SGCZ: variants seen among roughly 807,000 people sequenced by gnomAD.
The protein encoded by SGCZ is sarcoglycan zeta, also known as zeta-sarcoglycan.
Under a neutral mutation model 41.3 loss-of-function variants are expected in SGCZ, and 40 were observed. The observed-to-expected ratio is 0.97, with a 90% CI of 0.75 to 1.26. The LOEUF (loss-of-function observed/expected upper bound fraction) is 1.26, where lower values mean the gene tolerates loss of function less well. SGCZ is among the 50% of genes most tolerant of loss of function. The pLI is 0.00. For synonymous variants in SGCZ, 206 were observed against 137.5 expected (o/e 1.50, Z -3.49); for missense variants, 552 against 369.8 (o/e 1.49, Z -4.04).
intron 2 of SGCZ, among the ~76,000 whole-genome samples, chr8:14,486,057 A>C (rs1362561631): frequency 2.6e-5 from 4 of 152,170 alleles, no homozygotes; most frequent in Non-Finnish European, 4.4e-5. Flanking sequence ...TTTTAGATCT[A>C]CTGATACAAT....
rs1471189471 is a variant in SGCZ at position 14,085,839 on chromosome 8, A to G, written c.*4604T>C. ...AAGGATGTTTACTACCTCATGTTATAATTATAAGCCCCCCTATTCATTTGA... is the reference window on the plus strand; with the variant it reads ...AAGGATGTTTACTACCTCATGTTATGATTATAAGCCCCCCTATTCATTTGA... On this transcript the variant is annotated 3_prime_UTR_variant, in exon 8 of 8. Transcript: ENST00000382080. Among the ~76,000 whole-genome samples the G allele has an allele frequency of 6.6e-6, 1 of 151,810 alleles. No homozygotes were observed. Among genetic ancestry groups the G allele is most frequent in the African/African-American group, 2.4e-5 (1 of 41,422 alleles).
chr8:14,552,007 C>T (rs1173208304), intron 2 of SGCZ, among the ~76,000 whole-genome samples: 3 of 151,806 alleles, frequency 2.0e-5, no homozygotes, highest in Non-Finnish European at 4.4e-5. Context: ...CACAGATTTC[C>T]CTGTGTTGGA....
At position 14,619,823 on chromosome 8, in the gene SGCZ, C is replaced by A. The variant is rs544975976; in HGVS notation, c.40-64897G>T. ...AACAAATGGAAACACATTCCATGCT[C>A]ATGTACAGGAAGAATCAATATCGTG... On this transcript the variant is annotated intron_variant, in intron 1 of 7. Coordinates refer to ENST00000382080, the MANE Select transcript of SGCZ (RefSeq NM_139167.4). Among the ~76,000 whole-genome samples the A allele has an allele frequency of 1.8e-4, 28 of 152,322 alleles. No individual in the cohort carries two copies. The South Asian group carries it at 5.8e-3, about 32-fold the overall frequency.
intron 4 of SGCZ, among the ~76,000 whole-genome samples, chr8:14,203,633 G>A (rs1048611312): frequency 2.0e-5 from 3 of 152,154 alleles, no homozygotes; most frequent in African/African-American, 7.2e-5. Flanking sequence ...GAATGAAGAT[G>A]AATAGAGGTG....
At chr8:14,346,874 C>T (rs551320353) in intron 2 of SGCZ, among the ~76,000 whole-genome samples, 1 of 152,018 alleles carries the variant, frequency 6.6e-6, no homozygotes, top group Non-Finnish European at 1.5e-5. Flanking sequence ...TAGGGCGTTT[C>T]CTTTTTTTCT....
intron 1 of SGCZ, among the ~76,000 whole-genome samples, chr8:14,980,251 T>A (rs899723860): frequency 6.6e-6 from 1 of 152,080 alleles, no homozygotes; most frequent in African/African-American, 2.4e-5. Context: ...AGGACGGAAA[T>A]TGAGCCAGAT....
chr8:14,579,546 G>A (rs954779321), intron 1 of SGCZ, among the ~76,000 whole-genome samples: 4 of 152,016 alleles, frequency 2.6e-5, no homozygotes, highest in African/African-American at 9.7e-5. Flanking sequence ...TAAACTGTTG[G>A]GGAAATTTTA....
chr8:14,234,627 A>G (rs1806690942), intron 4 of SGCZ, among the ~76,000 whole-genome samples: 1 of 152,080 alleles, frequency 6.6e-6, no homozygotes. Flanking sequence ...CAAAAATAGT[A>G]TCATGACTGT....
intron 2 of SGCZ, among the ~76,000 whole-genome samples, chr8:14,341,979 A>C (rs1462139303): frequency 6.6e-6 from 1 of 152,196 alleles, no homozygotes; most frequent in African/African-American, 2.4e-5. Context: ...GTGTTGTTGA[A>C]AAGATACCCT....
At chr8:14,331,356 G>A (rs893152207) in intron 2 of SGCZ, among the ~76,000 whole-genome samples, 1 of 151,912 alleles carries the variant, frequency 6.6e-6, no homozygotes, top group African/African-American at 2.4e-5. Context: ...ATATACCTAA[G>A]CAAAGCATGT....
intron 1 of SGCZ, among the ~76,000 whole-genome samples, chr8:14,708,812 A>AGTGTGTGT (rs61049816): frequency 0.065 from 9,688 of 148,594 alleles, 408 homozygotes; most frequent in African/African-American, 0.12. Flanking sequence ...GTTTTATTCG[A>AGTGTGTGT]GTGTGTGTGT....
At chr8:14,557,459 T>C (rs933826012) in intron 1 of SGCZ, among the ~76,000 whole-genome samples, 2 of 152,150 alleles carry the variant, frequency 1.3e-5, no homozygotes, top group Admixed American at 6.6e-5. Flanking sequence ...TTTGTTCTTA[T>C]TGCATTTGCT....
intron 1 of SGCZ, among the ~76,000 whole-genome samples, chr8:15,155,286 C>T (rs75722882): frequency 0.21 from 32,197 of 151,716 alleles, 3,766 homozygotes; most frequent in East Asian, 0.47. Flanking sequence ...CAGACCCAGA[C>T]CCTGTCTCAC....
At chr8:15,079,231 T>C (rs554475603) in intron 1 of SGCZ, among the ~76,000 whole-genome samples, 2 of 152,212 alleles carry the variant, frequency 1.3e-5, no homozygotes, top group South Asian at 4.1e-4. Context: ...AAATTTATTA[T>C]AGGCAGGAAT....
At chr8:14,298,607 T>C (rs1463127394) in intron 3 of SGCZ, among the ~76,000 whole-genome samples, 3 of 151,946 alleles carry the variant, frequency 2.0e-5, no homozygotes, top group Non-Finnish European at 2.9e-5. Flanking sequence ...AAATTTTATA[T>C]ACTCAGAACA....
chr8:14,362,859 AC>A (rs1803575510), intron 2 of SGCZ, among the ~76,000 whole-genome samples: 2 of 152,218 alleles, frequency 1.3e-5, no homozygotes, highest in African/African-American at 4.8e-5. Context: ...ATACACAGAA[AC>A]TTTTATCTAC....
In SGCZ at chr8:14,398,423, C is replaced by T. The variant is rs148853974; in HGVS notation, c.235-74219G>A. Among the ~76,000 whole-genome samples the T allele has an allele frequency of 4.0e-3, 613 of 152,192 alleles. 3 individuals carry two copies. Among genetic ancestry groups the T allele is most frequent in the Admixed American group, 8.1e-3 (123 of 15,260 alleles). Reference sequence around the variant, plus strand: ...TCCGTAAGGTTCTTTTCACTTTTGTCACTAAAGGCCTATCTTATAACCATT... The same window carrying T: ...TCCGTAAGGTTCTTTTCACTTTTGTTACTAAAGGCCTATCTTATAACCATT... On this transcript the variant is annotated intron_variant, in intron 2 of 7. Transcript: ENST00000382080.
chr8:15,051,985 A>G (rs1255022772), intron 1 of SGCZ, among the ~76,000 whole-genome samples: 2 of 152,192 alleles, frequency 1.3e-5, no homozygotes, highest in African/African-American at 2.4e-5. Context: ...CGAGGCCAAG[A>G]TCATTGAGAA....
chr8:14,227,696 A>G (rs1204512769), intron 4 of SGCZ, among the ~76,000 whole-genome samples: 4 of 152,078 alleles, frequency 2.6e-5, no homozygotes, highest in Non-Finnish European at 5.9e-5. Context: ...TATGAAATAT[A>G]TGTTGTCAGG....
Sources: allele counts gnomAD v4.1 joint callset (sites outside exome capture counted in the v4.1 genomes callset), GRCh38; gene constraint gnomAD v4.1.1; transcripts MANE v1.5; gene names NCBI Gene and HGNC (gene_info 2026-07-23, HGNC 2026-07-21).